The following NELL1 variants were observed in gnomAD, a reference collection of about 807,000 sequenced individuals.
The protein encoded by NELL1 is neural EGFL like 1.
Under a neutral mutation model 107.4 loss-of-function variants are expected in NELL1, and 76 were observed. The ratio of observed to expected loss-of-function variants is 0.71; its 90% CI spans 0.59 to 0.86. The LOEUF (loss-of-function observed/expected upper bound fraction) is 0.86. Among genes scored for constraint, NELL1 ranks in the 40% least tolerant of loss-of-function variants. The pLI, the probability that NELL1 is intolerant of heterozygous loss-of-function variation, is 0.00. For synonymous variants in NELL1, 353 were observed against 341.2 expected (o/e 1.03, Z -0.38); for missense variants, 1,024 against 1,005.5 (o/e 1.02, Z -0.25).
intron 5 of NELL1, among the ~76,000 whole-genome samples, chr11:20,909,683 C>A (rs1352846607): frequency 1.3e-5 from 2 of 152,148 alleles, no homozygotes; most frequent in Non-Finnish European, 2.9e-5. Context: ...CTGTCCTCTG[C>A]AACCTTCTCT....
At position 21,192,663 on chromosome 11, in the gene NELL1, A is replaced by C. The variant is rs546428699; in HGVS notation, c.1427-36669A>C. On this transcript the variant is annotated intron_variant, in intron 13 of 19. Transcript: ENST00000357134. ...GTCAAAGGGCATGTTTTGTAGTGAC[A>C]GATTTTTCAAATTCATGCTTCCTAT... Among the ~76,000 whole-genome samples, 15 of 151,992 alleles carry C rather than the reference A, an allele frequency of 9.9e-5. No homozygotes were observed. The East Asian group carries it at 2.7e-3, about 27-fold the overall frequency.
chr11:21,020,410 G>A (rs1207996408), intron 12 of NELL1, among the ~76,000 whole-genome samples: 2 of 152,072 alleles, frequency 1.3e-5, no homozygotes, highest in Non-Finnish European at 2.9e-5. Flanking sequence ...ATAGTCCAAC[G>A]AGTGTAATAG....
intron 13 of NELL1, among the ~76,000 whole-genome samples, chr11:21,223,084 C>CT (rs1332750573): frequency 1.3e-5 from 2 of 152,062 alleles, no homozygotes; most frequent in Admixed American, 6.6e-5. Context: ...CAAATCCAAT[C>CT]TTTTTTTGTT....
chr11:20,974,866 C>G (rs1469144157), intron 12 of NELL1, among the ~76,000 whole-genome samples: 1 of 152,162 alleles, frequency 6.6e-6, no homozygotes, highest in East Asian at 1.9e-4. Flanking sequence ...GGTTTTAATA[C>G]TTTCTACAAC....
At chr11:21,307,416 G>A (rs998386889) in intron 14 of NELL1, among the ~76,000 whole-genome samples, 3 of 151,616 alleles carry the variant, frequency 2.0e-5, no homozygotes, top group Non-Finnish European at 1.5e-5. Context: ...GAAAAAAAGG[G>A]CAATTTCTTC....
intron 12 of NELL1, among the ~76,000 whole-genome samples, chr11:21,095,058 A>G (rs1247697528): frequency 6.6e-6 from 1 of 152,224 alleles, no homozygotes; most frequent in Non-Finnish European, 1.5e-5. Context: ...CTTTAGCAGC[A>G]GCCAAGTCAC....
intron 14 of NELL1, among the ~76,000 whole-genome samples, chr11:21,243,187 G>GTT (rs1173193945): frequency 2.0e-5 from 3 of 152,090 alleles, no homozygotes; most frequent in Non-Finnish European, 4.4e-5. Flanking sequence ...TCTATTAACA[G>GTT]TTTATAATTT....
At chr11:20,780,630 A>G (rs1361110764) in intron 2 of NELL1, among the ~76,000 whole-genome samples, 2 of 152,216 alleles carry the variant, frequency 1.3e-5, no homozygotes, top group Non-Finnish European at 2.9e-5. Context: ...CAAATAATAA[A>G]TGGATTACAA....
intron 3 of NELL1, among the ~76,000 whole-genome samples, chr11:20,792,968 C>T (rs1387921371): frequency 6.6e-6 from 1 of 151,850 alleles, no homozygotes; most frequent in African/African-American, 2.4e-5. Flanking sequence ...AAAAAATATA[C>T]ATTGTATCTT....
At chr11:21,325,610 T>C (rs1310381015) in intron 14 of NELL1, among the ~76,000 whole-genome samples, 1 of 152,112 alleles carries the variant, frequency 6.6e-6, no homozygotes, top group Non-Finnish European at 1.5e-5. Flanking sequence ...TAATATTAAC[T>C]TATTTTGCTC....
In NELL1 at chr11:21,025,560, T is replaced by C. The variant is rs557156464; in HGVS notation, c.1300+65000T>C. Among the ~76,000 whole-genome samples, 8 of 152,092 alleles carry C rather than the reference T, an allele frequency of 5.3e-5. No homozygotes were observed. The East Asian group carries it at 9.7e-4, about 18-fold the overall frequency. ...TGTATATATCCTGGATTTCCTCTAATTCTCTCTTTGCTGGTTTCTCCTCAC... is the reference window on the plus strand; with the variant it reads ...TGTATATATCCTGGATTTCCTCTAACTCTCTCTTTGCTGGTTTCTCCTCAC... On this transcript the variant is annotated intron_variant, in intron 12 of 19. Transcript: ENST00000357134.
intron 2 of NELL1, among the ~76,000 whole-genome samples, chr11:20,758,563 AC>A (rs749030549): frequency 1.3e-5 from 2 of 152,154 alleles, no homozygotes; most frequent in Admixed American, 1.3e-4. Context: ...AAATGTTCAA[AC>A]CAAAGCCAGG....
At chr11:20,694,482 A>C (rs1854560408) in intron 2 of NELL1, among the ~76,000 whole-genome samples, 1 of 152,120 alleles carries the variant, frequency 6.6e-6, no homozygotes, top group Non-Finnish European at 1.5e-5. Context: ...TCTTCTGTAT[A>C]TGGCTGGTCA....
Position 21,191,439 on chromosome 11 carries a change from C to T in NELL1, c.1427-37893C>T, listed in dbSNP as rs552567666. Among the ~76,000 whole-genome samples, 5 of 151,870 alleles carry T rather than the reference C, an allele frequency of 3.3e-5. No homozygotes were observed. In the South Asian group the frequency reaches 1.0e-3, roughly 32 times the overall value. On this transcript the variant is annotated intron_variant, in intron 13 of 19. Transcript: ENST00000357134. ...AAAAGAGATATTCCCTAGAAGTCCG[C>T]CAAAAGAAAACAACACTGCCAGTAC...
chr11:21,295,856 A>G (rs1396715585), intron 14 of NELL1, among the ~76,000 whole-genome samples: 2 of 152,062 alleles, frequency 1.3e-5, no homozygotes, highest in African/African-American at 4.8e-5. Flanking sequence ...AAGTGGAAAA[A>G]AATGACTTAA....
At chr11:20,714,450 T>C (rs1855191317) in intron 2 of NELL1, among the ~76,000 whole-genome samples, 1 of 151,864 alleles carries the variant, frequency 6.6e-6, no homozygotes, top group African/African-American at 2.4e-5. Flanking sequence ...TCAGGTGACC[T>C]GCCCGCCTCA....
intron 14 of NELL1, among the ~76,000 whole-genome samples, chr11:21,292,346 A>T (rs936659246): frequency 2.6e-5 from 4 of 152,204 alleles, no homozygotes; most frequent in African/African-American, 9.7e-5. Context: ...CAAGAGAATA[A>T]AATACCTAGG....
intron 5 of NELL1, among the ~76,000 whole-genome samples, chr11:20,886,700 A>G (rs531210850): frequency 6.6e-6 from 1 of 152,316 alleles, no homozygotes; most frequent in East Asian, 1.9e-4. Context: ...TGGGGCTGGG[A>G]GAGAGATAGC....
At chr11:21,034,033 T>C (rs1853027655) in intron 12 of NELL1, among the ~76,000 whole-genome samples, 1 of 152,200 alleles carries the variant, frequency 6.6e-6, no homozygotes, top group African/African-American at 2.4e-5. Flanking sequence ...AGTTTGTCAA[T>C]TTTTGTTTTT....
Sources: allele counts gnomAD v4.1 joint callset (sites outside exome capture counted in the v4.1 genomes callset), GRCh38; gene constraint gnomAD v4.1.1; transcripts MANE v1.5; gene names NCBI Gene and HGNC (gene_info 2026-07-23, HGNC 2026-07-21).